The following P2RX6 variants were observed in gnomAD, a reference collection of about 807,000 sequenced individuals.
P2RX6 encodes purinergic receptor P2X 6.
Under a neutral mutation model 54.2 loss-of-function variants are expected in P2RX6, and 62 were observed. The ratio of observed to expected loss-of-function variants is 1.14; its 90% CI spans 0.93 to 1.41. The LOEUF is 1.41. P2RX6 is among the 40% of genes most tolerant of loss of function. P2RX6 has a pLI of 0.00. For synonymous variants in P2RX6, 211 were observed against 231.9 expected, an observed-to-expected ratio of 0.91 and a Z score of 0.82; for missense variants, 541 against 566.3, an observed-to-expected ratio of 0.96 and a Z score of 0.45.
At chr22:21,015,861 G>T (rs1926267166) in intron 1 of P2RX6, 81 bp from the exon 2 acceptor site, 3 of 1,421,626 alleles carry the variant, frequency 2.1e-6, no homozygotes, top group East Asian at 2.5e-5. Flanking sequence ...TGTGGGGGGA[G>T]AACTGAGCAT....
At chr22:21,014,093 T>G (rs1310686267), upstream of P2RX6, 1 of 149,588 alleles carries the variant, frequency 6.7e-6, no homozygotes, top group Non-Finnish European at 1.5e-5. Flanking sequence ...CGTCTCTAGG[T>G]CGGAGTCTGA....
chr22:21,020,738 C>T (rs970142055), intron 3 of P2RX6, among the ~76,000 whole-genome samples: 3 of 151,870 alleles, frequency 2.0e-5, no homozygotes, highest in Non-Finnish European at 4.4e-5. Flanking sequence ...ACTACAGGCA[C>T]ACACCACCAC....
intron 3 of P2RX6, 170 bp downstream of exon 3, chr22:21,018,230 A>G (rs1926773667): frequency 1.6e-6 from 1 of 626,568 alleles, no homozygotes; most frequent in East Asian, 2.8e-5. Context: ...CAGTCTTCAC[A>G]TATCCCCTGC....
At chr22:21,014,073 G>T, upstream of P2RX6, 1 of 154,028 alleles carries the variant, frequency 6.5e-6, no homozygotes, top group South Asian at 1.8e-4. Flanking sequence ...CCCCTGCCCC[G>T]AGCACCTTCC....
chr22:21,025,750 G>A (rs1928315312), intron 8 of P2RX6, 55 bp from the exon 9 acceptor site: 2 of 1,369,336 alleles, frequency 1.5e-6, no homozygotes, highest in Non-Finnish European at 2.0e-6. Flanking sequence ...GGCAGGGCCA[G>A]CCCCACCTGG....
intron 6 of P2RX6, 36 bp from the exon 7 acceptor site, chr22:21,023,239 T>TC (rs1299328563): frequency 2.5e-6 from 4 of 1,613,848 alleles, no homozygotes; most frequent in Non-Finnish European, 3.4e-6. Context: ...ACCCTCCTTG[T>TC]CCCCTACCTC....
At chr22:21,018,640 GT>G (rs1279258610) in intron 3 of P2RX6, 1 of 157,648 alleles carries the variant, frequency 6.3e-6, no homozygotes, top group Non-Finnish European at 1.4e-5. Flanking sequence ...TTGAGACGGA[GT>G]TTCACTCTGT....
intron 3 of P2RX6, among the ~76,000 whole-genome samples, chr22:21,019,217 C>T (rs1886723462): frequency 1.3e-5 from 2 of 152,192 alleles, no homozygotes; most frequent in African/African-American, 4.8e-5. Flanking sequence ...GTTGTGCAGA[C>T]AGCTGTCCCC....
Position 21,023,040 on chromosome 22 carries a change from G to C in P2RX6, c.557+5G>C. 1 of 1,612,972 alleles carries C rather than the reference G, an allele frequency of 6.2e-7. No homozygotes were observed. The highest frequency in any genetic ancestry group is 8.5e-7 in the Non-Finnish European group (1 of 1,179,080). ...GGAGAGTGGCGTTGTGCCCTCGTAA[G>C]TGTCCCCACAATCCCCTACCCCAAC... On this transcript the variant is annotated splice_donor_5th_base_variant and intron_variant, in intron 5 of 11. Coordinates refer to ENST00000413302, the MANE Select transcript of P2RX6 (RefSeq NM_005446.5).
At position 21,023,415 on chromosome 22, in the gene P2RX6, T is replaced by TG. The variant is rs1569178130; in HGVS notation, c.780+1dup. 1 of 1,614,012 alleles carries TG rather than the reference T, an allele frequency of 6.2e-7. No homozygotes were observed. Among genetic ancestry groups the TG allele is most frequent in the Admixed American group, 1.7e-5 (1 of 60,020 alleles). On this transcript the variant is annotated frameshift_variant and splice_region_variant, in exon 7 of 12. Coordinates refer to ENST00000413302, the MANE Select transcript of P2RX6 (RefSeq NM_005446.5). LOFTEE classifies it high-confidence loss of function. The stretch of plus-strand genomic sequence containing the variant: ...GGGACCTTCGAGGACCTGGCGTTGC[T>TG]GGTGGGTCCCAAGTTGGGGGCAGGG...
chr22:21,018,085 G>A (rs55763104), intron 3 of P2RX6, 25 bp downstream of exon 3: 226,195 of 1,554,708 alleles, frequency 0.15, 19,707 homozygotes, highest in African/African-American at 0.38. Context: ...GATCCTCCCA[G>A]CGGGTCCCTT....
At chr22:21,011,013 T>G (rs1415890878), upstream of P2RX6, among the ~76,000 whole-genome samples, 5 of 152,116 alleles carry the variant, frequency 3.3e-5, no homozygotes, top group African/African-American at 1.2e-4. Flanking sequence ...CAGCCACCTC[T>G]TTAAAGCAGG....
chr22:21,013,674 C>T (rs1307641345), upstream of P2RX6: 1 of 152,238 alleles, frequency 6.6e-6, no homozygotes, highest in Non-Finnish European at 1.5e-5. Flanking sequence ...AAATGGCACA[C>T]TATGTCTTTT....
chr22:21,025,480 A>G (rs762279097), intron 8 of P2RX6, among the ~76,000 whole-genome samples: 1 of 152,124 alleles, frequency 6.6e-6, no homozygotes, highest in African/African-American at 2.4e-5. Context: ...CCCCTCCAGG[A>G]AGTCTACCCC....
intron 2 of P2RX6, 139 bp from the exon 3 acceptor site, chr22:21,017,850 C>T (rs2541936): frequency 1.4e-6 from 1 of 709,728 alleles, no homozygotes; most frequent in South Asian, 1.5e-5. Flanking sequence ...CCCATCTCTG[C>T]TTCAGTCTGC....
intron 4 of P2RX6, 56 bp downstream of exon 4, chr22:21,022,807 T>A: frequency 6.7e-7 from 1 of 1,492,856 alleles, no homozygotes; most frequent in Non-Finnish European, 9.1e-7. Context: ...CGGGCTGGGA[T>A]CCTGGGTGGC....
chr22:21,018,208 A>T, intron 3 of P2RX6, 148 bp downstream of exon 3: 1 of 670,198 alleles, frequency 1.5e-6, no homozygotes, highest in Middle Eastern at 2.4e-4. Flanking sequence ...TCTTTTCCTG[A>T]ATCATTATGT....
chr22:21,022,519 C>G (rs1042015833), intron 3 of P2RX6, among the ~76,000 whole-genome samples, 157 bp from the exon 4 acceptor site: 1 of 152,186 alleles, frequency 6.6e-6, no homozygotes. Context: ...TCCTGTGTGG[C>G]CCCACACTCA....
chr22:21,026,839 G>A lies in P2RX6; in HGVS notation c.*222G>A. ...CGACAGAACCTGACCCGTGGAGACT[G>A]GGAGAGCCCAGCAGGCACCTGTATT... On this transcript the variant is annotated 3_prime_UTR_variant, in exon 12 of 12. Coordinates refer to ENST00000413302, the MANE Select transcript of P2RX6 (RefSeq NM_005446.5). The surrounding 1 kb of genome is among the most constrained non-coding windows in gnomAD (Gnocchi z 4.0). The A allele has an allele frequency of 1.1e-6, 1 of 922,108 alleles. No homozygotes were observed. Among genetic ancestry groups the A allele is most frequent in the Non-Finnish European group, 1.6e-6 (1 of 635,162 alleles). The allele number at this position is 922,108 out of a possible 1,614,324, so 57.1% of individuals were successfully genotyped here.
Sources: allele counts gnomAD v4.1 joint callset (sites outside exome capture counted in the v4.1 genomes callset), GRCh38; gene constraint gnomAD v4.1.1; non-coding constraint Gnocchi (gnomAD v3.1); transcripts MANE v1.5; gene names NCBI Gene and HGNC (gene_info 2026-07-23, HGNC 2026-07-21).